The following NRP2 variants were observed in gnomAD, a reference collection of about 807,000 sequenced individuals.
The protein encoded by NRP2 is neuropilin-2.
NRP2 carries 52 observed loss-of-function variants against 110.4 expected under a neutral mutation model. That is an observed-to-expected ratio of 0.47 (90% CI 0.38 to 0.59). NRP2 has a LOEUF of 0.59. NRP2 is among the 20% of genes least tolerant of loss of function. The pLI, the probability that NRP2 is intolerant of heterozygous loss-of-function variation, is 0.00. For missense variants in NRP2, 1,049 were observed against 1,203.0 expected (o/e 0.87, Z 1.89); for synonymous variants, 508 against 468.9 (o/e 1.08, Z -1.08).
intron 1 of NRP2, among the ~76,000 whole-genome samples, chr2:205,687,068 T>C (rs1262827037): frequency 6.6e-5 from 10 of 152,138 alleles, no homozygotes; most frequent in Non-Finnish European, 1.3e-4. Flanking sequence ...CCCATAACCA[T>C]CTACCCCTCC....
At chr2:205,712,268 G>A (rs139924574) in intron 2 of NRP2, among the ~76,000 whole-genome samples, 78 of 152,266 alleles carry the variant, frequency 5.1e-4, no homozygotes, top group Middle Eastern at 6.8e-3. Context: ...ACAATACAAG[G>A]TAGTGTTAAA....
intron 7 of NRP2, among the ~76,000 whole-genome samples, chr2:205,733,253 G>A (rs938325552): frequency 7.9e-5 from 12 of 152,180 alleles, no homozygotes; most frequent in African/African-American, 2.4e-4. Flanking sequence ...CCCAGCTCCC[G>A]TGGGTGCTGA....
intron 7 of NRP2, among the ~76,000 whole-genome samples, chr2:205,729,757 C>T (rs547293660): frequency 6.2e-4 from 94 of 152,310 alleles, no homozygotes; most frequent in African/African-American, 2.2e-3. Context: ...GAATGCTGTC[C>T]TCCCTGGCTT....
chr2:205,689,910 G>C (rs2056269451), intron 1 of NRP2, among the ~76,000 whole-genome samples: 1 of 152,084 alleles, frequency 6.6e-6, no homozygotes, highest in African/African-American at 2.4e-5. Flanking sequence ...ACCCAGCAAG[G>C]GTCTTAATAA....
chr2:205,751,687 T>C (rs2057648818), intron 11 of NRP2, among the ~76,000 whole-genome samples: 1 of 152,152 alleles, frequency 6.6e-6, no homozygotes, highest in Non-Finnish European at 1.5e-5. Flanking sequence ...AGGTGAGCCC[T>C]CCTCACCCCT....
Position 205,797,192 on chromosome 2 carries a change from T to C in NRP2, c.*2134T>C, listed in dbSNP as rs2058358612. On this transcript the variant is annotated 3_prime_UTR_variant, in exon 17 of 17. Transcript: ENST00000357785. Reference sequence around the variant, plus strand: ...CACAGTGGTAGTTAGAGGTGAAAAGTAGAGCTGTCAAGCCCAAGGGCTTAG... The same window carrying C: ...CACAGTGGTAGTTAGAGGTGAAAAGCAGAGCTGTCAAGCCCAAGGGCTTAG... 1 of 152,590 alleles carries C rather than the reference T, an allele frequency of 6.6e-6. No individual in the cohort carries two copies. The highest frequency in any genetic ancestry group is 1.5e-5 in the Non-Finnish European group (1 of 68,030). The allele number at this position is 152,590 out of a possible 1,614,324, so 9.5% of individuals were successfully genotyped here. A position where few individuals can be genotyped will look rare whatever the true frequency, so the allele number is the denominator to read the frequency against.
At chr2:205,767,062 T>C (rs1427163880) in intron 15 of NRP2, 7 of 562,728 alleles carry the variant, frequency 1.2e-5, no homozygotes, top group Non-Finnish European at 2.2e-5. Context: ...GATAAACCTT[T>C]CAGCCTTGCA....
chr2:205,718,498 G>A (rs1404289109), intron 3 of NRP2, among the ~76,000 whole-genome samples: 2 of 152,144 alleles, frequency 1.3e-5, no homozygotes, highest in African/African-American at 4.8e-5. Context: ...GGGTTGCCTA[G>A]TGAAGAGATT....
chr2:205,734,009 C>G (rs2057293756), intron 7 of NRP2, among the ~76,000 whole-genome samples: 1 of 152,154 alleles, frequency 6.6e-6, no homozygotes, highest in African/African-American at 2.4e-5. Context: ...CCCTGTGCCT[C>G]TGTCTCCTCC....
intron 11 of NRP2, 129 bp downstream of exon 11, chr2:205,749,970 A>G: frequency 1.3e-6 from 1 of 762,264 alleles, no homozygotes; most frequent in South Asian, 1.5e-5. Flanking sequence ...GTGGTAAGAG[A>G]GGTGGGGGCA....
At chr2:205,744,494 A>G (rs1206697019) in intron 9 of NRP2, among the ~76,000 whole-genome samples, 3 of 152,196 alleles carry the variant, frequency 2.0e-5, no homozygotes, top group Admixed American at 2.0e-4. Flanking sequence ...AGGCCAGTAC[A>G]GCTTACTCCC....
intron 15 of NRP2, among the ~76,000 whole-genome samples, chr2:205,784,100 G>T (rs1440772516): frequency 1.3e-5 from 2 of 151,866 alleles, no homozygotes; most frequent in Non-Finnish European, 2.9e-5. Flanking sequence ...CAAAACAAAG[G>T]CTCTGCTCCA....
chr2:205,723,968 C>A, intron 5 of NRP2, 28 bp downstream of exon 5: 1 of 1,613,538 alleles, frequency 6.2e-7, no homozygotes, highest in Non-Finnish European at 8.5e-7. Context: ...GAACCTCTGT[C>A]CTGTCCTTCC....
chr2:205,693,051 G>T (rs1238308649), intron 1 of NRP2, among the ~76,000 whole-genome samples: 3 of 152,178 alleles, frequency 2.0e-5, no homozygotes, highest in Non-Finnish European at 4.4e-5. Flanking sequence ...TAAGTGGCAA[G>T]GTGACAACCT....
At chr2:205,751,345 G>GT (rs976054328) in intron 11 of NRP2, among the ~76,000 whole-genome samples, 6 of 151,976 alleles carry the variant, frequency 3.9e-5, no homozygotes, top group East Asian at 3.9e-4. Flanking sequence ...TTTTGCAAAA[G>GT]TTTTTTTTGT....
At chr2:205,744,872 A>G (rs2057509042) in intron 9 of NRP2, among the ~76,000 whole-genome samples, 1 of 152,206 alleles carries the variant, frequency 6.6e-6, no homozygotes. Flanking sequence ...AGGCTTCCCC[A>G]TGGAGAGCTG....
intron 7 of NRP2, among the ~76,000 whole-genome samples, chr2:205,732,659 A>G (rs865841090): frequency 6.6e-6 from 1 of 152,314 alleles, no homozygotes; most frequent in Middle Eastern, 3.4e-3. Flanking sequence ...GCAAGTTATC[A>G]ATTTAAAAAG....
chr2:205,704,091 C>T (rs933012011), intron 2 of NRP2, among the ~76,000 whole-genome samples: 2 of 152,168 alleles, frequency 1.3e-5, no homozygotes, highest in Non-Finnish European at 2.9e-5. Context: ...CGACCTCCCC[C>T]ACCCCGCCGC....
chr2:205,683,466 C>T lies in NRP2; in HGVS notation c.73+103C>T, dbSNP rs2056062196. ...GCAGAACGGCACAGAAGAAGGCTCCCTCAGTACTCAATAATTTAAAGAGAG... is the reference window on the plus strand; with the variant it reads ...GCAGAACGGCACAGAAGAAGGCTCCTTCAGTACTCAATAATTTAAAGAGAG... On this transcript the variant is annotated intron_variant, in intron 1 of 16. Coordinates refer to ENST00000357785, the MANE Select transcript of NRP2 (RefSeq NM_003872.3). 3 of 799,982 alleles carry T rather than the reference C, an allele frequency of 3.8e-6. No homozygotes were observed. The East Asian group carries it at 7.9e-5, about 21-fold the overall frequency. 49.6% of individuals were successfully genotyped at this position (799,982 alleles called of 1,614,324 possible). A position where few individuals can be genotyped will look rare whatever the true frequency, so the allele number is the denominator to read the frequency against.
Sources: gnomAD v4.1 joint callset for allele counts (sites outside exome capture counted in the v4.1 genomes callset) on GRCh38, gnomAD v4.1.1 for gene constraint, MANE v1.5 for transcripts, NCBI Gene and HGNC (gene_info 2026-07-23, HGNC 2026-07-21) for gene names.